Variants in PRCP observed in about 807,000 individuals in gnomAD.
PRCP encodes prolylcarboxypeptidase.
A neutral mutation model predicts 54.2 loss-of-function variants in PRCP; 46 were observed. That is an observed-to-expected ratio of 0.85 (90% CI 0.67 to 1.09). The LOEUF is 1.09. Among genes scored for constraint, PRCP ranks in the 50% least tolerant of loss-of-function variants. The probability of loss-of-function intolerance (pLI) is 0.00; values close to 1 mark genes in which losing one functional copy is unlikely to be tolerated. For missense variants in PRCP, 613 were observed against 596.8 expected (o/e 1.03, Z -0.28); for synonymous variants, 240 against 212.2 (o/e 1.13, Z -1.14).
upstream of PRCP, chr11:82,900,569 A>G (rs1591081248): frequency 1.1e-6 from 1 of 885,066 alleles, no homozygotes. Context: ...AAGCCAGGTC[A>G]CCACAGCCAC....
chr11:82,885,024 C>T (rs374892252), intron 1 of PRCP: 1 of 1,319,600 alleles, frequency 7.6e-7, no homozygotes, highest in African/African-American at 1.5e-5. Flanking sequence ...AAAACTTCAG[C>T]AATTTGTTCT....
intron 4 of PRCP, 43 bp from the exon 5 acceptor site, chr11:82,850,114 A>AAT (rs57878596): frequency 0.2 from 162,496 of 811,450 alleles, 14,945 homozygotes; most frequent in Admixed American, 0.28. Context: ...GAAAAGAAAA[A>AAT]ATATATATAT....
chr11:82,858,859 T>A (rs1293215085), intron 2 of PRCP: 3 of 152,184 alleles, frequency 2.0e-5, no homozygotes, highest in African/African-American at 7.2e-5. Context: ...GAAATAGGCA[T>A]CCTAGGATCT....
At chr11:82,866,798 T>C (rs1434566932) in intron 1 of PRCP, among the ~76,000 whole-genome samples, 1 of 151,980 alleles carries the variant, frequency 6.6e-6, no homozygotes, top group East Asian at 1.9e-4. Flanking sequence ...CTCGGCTCAC[T>C]GCAACCTCCA....
rs938253812 is a variant in PRCP, at chr11:82,823,582, A to C, written c.*1324T>G. On this transcript the variant is annotated 3_prime_UTR_variant, in exon 9 of 9. Coordinates refer to ENST00000313010, the MANE Select transcript of PRCP (RefSeq NM_005040.4). Reference sequence around the variant, plus strand: ...CCATAAAAATGATCAAGCTCAAGGTACAGTTTTTTAAAAGCAGAAAATGTT... The same window carrying C: ...CCATAAAAATGATCAAGCTCAAGGTCCAGTTTTTTAAAAGCAGAAAATGTT... 1.3e-5 allele frequency: 2 copies of C among 152,182 alleles called. No individual in the cohort carries two copies. Among genetic ancestry groups the C allele is most frequent in the Non-Finnish European group, 2.9e-5 (2 of 68,032 alleles). 9.4% of individuals were successfully genotyped at this position (152,182 alleles called of 1,614,324 possible).
At chr11:82,848,634 G>A (rs922302698) in intron 6 of PRCP, among the ~76,000 whole-genome samples, 2 of 152,184 alleles carry the variant, frequency 1.3e-5, no homozygotes, top group African/African-American at 4.8e-5. Context: ...AGATCATGGT[G>A]CTATGATAAT....
rs1289336670 is a variant in PRCP, at chr11:82,849,143, T to C, written c.827A>G (p.Lys276Arg). The C allele has an allele frequency of 3.1e-6, 5 of 1,614,000 alleles. No homozygotes were observed. In the African/African-American group the frequency reaches 6.7e-5, roughly 22 times the overall value. ...CACCCAGGTTTCAGAGATCCAGTCT[T>C]TCAAATGTTGGATGTCCTGAGAAGT... ...PLTSQDIQHL[K>R]DWISETWVNL... Residue 276 changes from lysine to arginine, a missense_variant, in exon 6 of 9, where the codon AAA (lysine) becomes AGA (arginine). By Grantham distance (26) the Lys-to-Arg change is conservative (BLOSUM62 2). Transcript: ENST00000313010.
chr11:82,897,980 A>G (rs1349877837), intron 1 of PRCP, among the ~76,000 whole-genome samples: 1 of 152,232 alleles, frequency 6.6e-6, no homozygotes, highest in African/African-American at 2.4e-5. Context: ...TTTTAATAAT[A>G]AGTTTATTAC....
At chr11:82,900,590 T>A, upstream of PRCP, 1 of 772,544 alleles carries the variant, frequency 1.3e-6, no homozygotes, top group African/African-American at 1.7e-5. Flanking sequence ...TCCGCCCCCA[T>A]CCCCGAGGAC....
chr11:82,900,135 A>G, intron 1 of PRCP, 100 bp downstream of exon 1: 1 of 1,433,300 alleles, frequency 7.0e-7, no homozygotes, highest in South Asian at 1.3e-5. Context: ...CCTAGGCATC[A>G]AGGGGTGTGA....
intron 8 of PRCP, 59 bp downstream of exon 8, chr11:82,838,328 T>G: frequency 6.8e-7 from 1 of 1,478,588 alleles, no homozygotes; most frequent in Non-Finnish European, 9.2e-7. Context: ...TTCTGTTTTT[T>G]CAGATATTCT....
At chr11:82,889,073 G>C (rs1186391919) in intron 1 of PRCP, among the ~76,000 whole-genome samples, 1 of 122,914 alleles carries the variant, frequency 8.1e-6, no homozygotes, top group Non-Finnish European at 1.6e-5. Context: ...ATTTAAAAAT[G>C]GGCTGGGTGC....
chr11:82,867,339 T>C (rs867957026), intron 1 of PRCP, among the ~76,000 whole-genome samples: 3 of 152,058 alleles, frequency 2.0e-5, no homozygotes, highest in Non-Finnish European at 2.9e-5. Flanking sequence ...AGAGGGGGAA[T>C]TGCTAAGTTA....
chr11:82,860,062 G>T lies in PRCP; in HGVS notation c.224C>A (p.Ala75Asp). 1 of 1,586,006 alleles carries T rather than the reference G, an allele frequency of 6.3e-7. No homozygotes were observed. The highest frequency in any genetic ancestry group is 1.2e-5 in the South Asian group (1 of 86,770). ...ACCATTTTTCTTCCAGTATTTATCA[G>T]CTACTAGGTACCGCTGATTAAAAGT... ...VKTFNQRYLV[A>D]DKYWKKNGGS... is the part of the protein sequence containing the mutation. The change falls in exon 2 of 9, where the codon GCT (alanine) becomes GAT (aspartate). Residue 75 changes from alanine (A) to aspartate (D), a missense_variant. Coordinates refer to ENST00000313010, the MANE Select transcript of PRCP (RefSeq NM_005040.4).
chr11:82,829,105 C>T (rs1033864971), intron 8 of PRCP: 2 of 152,190 alleles, frequency 1.3e-5, no homozygotes, highest in Non-Finnish European at 1.5e-5. Flanking sequence ...ACTATAATAG[C>T]CTTTTAACTG....
chr11:82,900,278 G>C lies in PRCP; in HGVS notation c.125C>G (p.Pro42Arg). The C allele has an allele frequency of 6.2e-7, 1 of 1,614,232 alleles. No individual in the cohort carries two copies. The highest frequency in any genetic ancestry group is 2.2e-5 in the East Asian group (1 of 44,878). ...LHLPTNPTSL[P>R]AVAKNYSVLY... Reference sequence around the variant, plus strand: ...AACCGAATAGTTCTTGGCTACAGCCGGGAGGGATGTGGGGTTGGTTGGCAA... The same window carrying C: ...AACCGAATAGTTCTTGGCTACAGCCCGGAGGGATGTGGGGTTGGTTGGCAA... The change falls in exon 1 of 9, where the codon CCG becomes CGG. Residue 42 changes from proline (P) to arginine (R), a missense_variant. Physicochemically the swap from Pro to Arg is moderately radical, Grantham distance 103 (BLOSUM62 -2). Transcript: ENST00000313010.
chr11:82,885,733 T>C (rs1312473550), intron 1 of PRCP, among the ~76,000 whole-genome samples: 3 of 152,182 alleles, frequency 2.0e-5, no homozygotes, highest in South Asian at 2.1e-4. Context: ...GAGTGAAAGA[T>C]GAATACATGG....
In PRCP at chr11:82,838,566, T is replaced by C; in HGVS notation, c.1095A>G (p.Thr365=). The change falls in exon 8 of 9, where the codon ACA becomes ACG. Residue 365 remains threonine (T), a synonymous_variant. Transcript: ENST00000313010. ...TAGTACAAAAGGGCATGACTACTTC[T>C]GTGCAGGCCTAAGAAGCAAACCAAG... ...GTLGWSYQAC[T]EVVMPFCTNG... 6.2e-7 allele frequency: 1 copy of C among 1,612,106 alleles called. No individual in the cohort carries two copies. The highest frequency in any genetic ancestry group is 8.5e-7 in the Non-Finnish European group (1 of 1,179,322).
chr11:82,834,734 C>T (rs1858475303), intron 8 of PRCP, among the ~76,000 whole-genome samples: 1 of 152,180 alleles, frequency 6.6e-6, no homozygotes. Flanking sequence ...GAACAACACA[C>T]ACTGGGGCCT....
Sources: gnomAD v4.1 joint callset for allele counts (sites outside exome capture counted in the v4.1 genomes callset) on GRCh38, gnomAD v4.1.1 for gene constraint, MANE v1.5 for transcripts, NCBI Gene and HGNC (gene_info 2026-07-23, HGNC 2026-07-21) for gene names.